The following TOP3B variants were observed in gnomAD, a reference collection of about 807,000 sequenced individuals.
TOP3B encodes DNA topoisomerase III beta.
A neutral mutation model predicts 93.9 loss-of-function variants in TOP3B; 45 were observed. That is an observed-to-expected ratio of 0.48 (90% confidence interval 0.38 to 0.61). The LOEUF (loss-of-function observed/expected upper bound fraction) is 0.61, where lower values mean the gene tolerates loss of function less well. TOP3B is among the 20% of genes least tolerant of loss of function. The pLI is 0.00. For synonymous variants in TOP3B, 357 were observed against 472.6 expected, an observed-to-expected ratio of 0.76 and a Z score of 3.17; for missense variants, 750 against 1,156.1, an observed-to-expected ratio of 0.65 and a Z score of 5.09.
chr22:21,959,833 C>G, intron 14 of TOP3B, 97 bp from the exon 15 acceptor site: 1 of 1,506,514 alleles, frequency 6.6e-7, no homozygotes, highest in Non-Finnish European at 8.9e-7. Context: ...TCACCCCTCC[C>G]GCTCTGGCCC....
intron 7 of TOP3B, 126 bp from the exon 8 acceptor site, chr22:21,967,842 C>T: frequency 1.4e-6 from 1 of 705,910 alleles, no homozygotes; most frequent in Non-Finnish European, 2.5e-6. Flanking sequence ...GCTGTAATGG[C>T]TCACAGCTGT....
Position 21,974,347 on chromosome 22 carries a change from A to T in TOP3B, c.202+10T>A. On this transcript the variant is annotated intron_variant, in intron 3 of 17. Coordinates refer to ENST00000357179, the MANE Select transcript of TOP3B (RefSeq NM_001282112.2). ...CTCCCTTCAGTAGGATGGAGGGTAG[A>T]GGGGCTTACCCAGGAAATCCAGGGT... The T allele has an allele frequency of 6.2e-7, 1 of 1,612,788 alleles. No homozygotes were observed.
At position 21,960,377 on chromosome 22, in the gene TOP3B, C is replaced by T. The variant is rs758638659; in HGVS notation, c.1598G>A (p.Arg533His). ...GCCGAGGTTGGTGGGCTTGAGCCGG[C>T]GCCCGCTCTCCACCGTGACATAGTT... ...QRNYVTVESG[R>H]RLKPTNLGIV... The change falls in exon 14 of 18, where the codon CGC (arginine) becomes CAC (histidine). Residue 533 changes from arginine (R) to histidine (H), a missense_variant. Arg to His is a conservative substitution (Grantham distance 29). Around this residue, in one of 4 missense-constraint regions of TOP3B, gnomAD observed 737 missense variants for 933.7 expected, o/e 0.79. Coordinates refer to ENST00000357179, the MANE Select transcript of TOP3B (RefSeq NM_001282112.2). 8.1e-6 allele frequency: 13 copies of T among 1,613,518 alleles called. No homozygotes were observed. Among genetic ancestry groups the T allele is most frequent in the Middle Eastern group, 1.6e-4 (1 of 6,082 alleles).
intron 1 of TOP3B, among the ~76,000 whole-genome samples, chr22:21,979,743 C>T (rs755497727): frequency 6.6e-6 from 1 of 151,766 alleles, no homozygotes; most frequent in African/African-American, 2.4e-5. Flanking sequence ...AGATCAAGAC[C>T]ATCCTGACTA....
At chr22:21,964,632 G>C (rs930575951) in intron 9 of TOP3B, 1 of 415,820 alleles carries the variant, frequency 2.4e-6, no homozygotes, top group Non-Finnish European at 4.5e-6. Flanking sequence ...ATGGCCTTCA[G>C]AGCACCACTC....
Position 21,970,320 on chromosome 22 carries a change from GT to G in TOP3B, c.470del (p.Asp157AlafsTer11), listed in dbSNP as rs1569152781. ...VFRARFSSIT[D>X]TDICNAMACL... ...AGGCCATGGCATTACAGATGTCTGT[GT>G]CCGTGATGGAGCTAAACCTGGCCCG... On this transcript the variant is annotated frameshift_variant, in exon 6 of 18. Coordinates refer to ENST00000357179, the MANE Select transcript of TOP3B (RefSeq NM_001282112.2). LOFTEE classifies it high-confidence loss of function. The surrounding 1 kb of genome is among the most constrained non-coding windows in gnomAD (Gnocchi z 4.4). The G allele has an allele frequency of 3.1e-6, 5 of 1,614,104 alleles. No individual in the cohort carries two copies. The highest frequency in any genetic ancestry group is 4.2e-6 in the Non-Finnish European group (5 of 1,180,010).
At chr22:21,959,889 G>T in intron 14 of TOP3B, 153 bp from the exon 15 acceptor site, 1 of 1,051,614 alleles carries the variant, frequency 9.5e-7, no homozygotes, top group Non-Finnish European at 1.3e-6. Flanking sequence ...GCCTCAGATG[G>T]TACCAGGCTG....
chr22:21,959,564 G>C, intron 15 of TOP3B, 23 bp downstream of exon 15: 1 of 1,590,766 alleles, frequency 6.3e-7, no homozygotes, highest in Non-Finnish European at 8.6e-7. Flanking sequence ...TCTGGTGAGG[G>C]GCAGGCCAGA....
intron 1 of TOP3B, among the ~76,000 whole-genome samples, chr22:21,981,607 G>A (rs558345957): frequency 6.6e-6 from 1 of 152,272 alleles, no homozygotes; most frequent in African/African-American, 2.4e-5. Flanking sequence ...GACCAGCCTG[G>A]CCAACATGGT....
In TOP3B at chr22:21,963,991, C is replaced by T. The variant is rs768895949; in HGVS notation, c.1136G>A (p.Arg379Gln). The change falls in exon 11 of 18, where the codon CGG (arginine) becomes CAG (glutamine). Residue 379 changes from arginine to glutamine, a missense_variant. Arg to Gln is a conservative substitution (Grantham distance 43). Transcript: ENST00000357179. The surrounding 1 kb of genome is among the most constrained non-coding windows in gnomAD (Gnocchi z 4.8). ...ATGGTCGCCGGCGTCATGGCCTTTC[C>T]GCGGGCGGTTGATACCTTCTGCTAA... The part of the protein sequence containing the change: ...RLLAEGINRP[R>Q]KGHDAGDHPP... The T allele has an allele frequency of 9.9e-6, 16 of 1,611,754 alleles. No individual in the cohort carries two copies. The highest frequency in any genetic ancestry group is 4.5e-5 in the East Asian group (2 of 44,884).
At chr22:21,960,567 A>T (rs532105278) in intron 13 of TOP3B, 118 bp from the exon 14 acceptor site, 1 of 1,415,398 alleles carries the variant, frequency 7.1e-7, no homozygotes, top group Non-Finnish European at 9.6e-7. Flanking sequence ...GCTCCCGGTC[A>T]CAGGAGGGAG....
intron 7 of TOP3B, chr22:21,968,052 C>A: frequency 3.1e-6 from 1 of 327,484 alleles, no homozygotes; most frequent in Non-Finnish European, 5.8e-6. Flanking sequence ...CCGCCAGGGT[C>A]CCAAGCCCCG....
chr22:21,974,341 G>C lies in TOP3B; in HGVS notation c.202+16C>G. Reference sequence around the variant, plus strand: ...GCAGAACTCCCTTCAGTAGGATGGAGGGTAGAGGGGCTTACCCAGGAAATC... The same window carrying C: ...GCAGAACTCCCTTCAGTAGGATGGACGGTAGAGGGGCTTACCCAGGAAATC... On this transcript the variant is annotated intron_variant, in intron 3 of 17. Transcript: ENST00000357179. The C allele has an allele frequency of 6.2e-7, 1 of 1,611,454 alleles. No individual in the cohort carries two copies. Among genetic ancestry groups the C allele is most frequent in the Non-Finnish European group, 8.5e-7 (1 of 1,178,148 alleles).
rs1278348870 is a variant in TOP3B, at chr22:21,964,425, T to C, written c.944-110A>G. The C allele has an allele frequency of 5.3e-6, 7 of 1,333,170 alleles. No homozygotes were observed. In the Admixed American group the frequency reaches 1.2e-4, roughly 22 times the overall value. The allele number at this position is 1,333,170 out of a possible 1,614,324, so 82.6% of individuals were successfully genotyped here. A position where few individuals can be genotyped will look rare whatever the true frequency, so the allele number is the denominator to read the frequency against. ...ATTGTGGCCGGCCCCTCCTGGAGGG[T>C]GACGGTGGCTCTGAGCAGGCACAGC... On this transcript the variant is annotated intron_variant, in intron 9 of 17. Transcript: ENST00000357179.
rs1270531208 is a variant in TOP3B at position 21,959,234 on chromosome 22, T to C, written c.1805-2A>G. The C allele has an allele frequency of 6.2e-7, 1 of 1,612,158 alleles. No homozygotes were observed. Among genetic ancestry groups the C allele is most frequent in the Non-Finnish European group, 8.5e-7 (1 of 1,179,920 alleles). Reference sequence around the variant, plus strand: ...ACACCTCCATCAACTCATCCATGCCTGCGGGCAAGCAGAGTGCAGGAGTCA... The same window carrying C: ...ACACCTCCATCAACTCATCCATGCCCGCGGGCAAGCAGAGTGCAGGAGTCA... On this transcript the variant is annotated splice_acceptor_variant, in intron 15 of 17. Transcript: ENST00000357179. LOFTEE classifies it high-confidence loss of function.
At chr22:21,958,455 C>T (rs1387333177) in intron 17 of TOP3B, 37 bp downstream of exon 17, 26 of 1,613,280 alleles carry the variant, frequency 1.6e-5, no homozygotes, top group Non-Finnish European at 2.1e-5. Flanking sequence ...AAAGAGACTG[C>T]AGCTACCTGT....
chr22:21,967,352 C>T (rs1292917508), intron 8 of TOP3B: 9 of 459,336 alleles, frequency 2.0e-5, no homozygotes, highest in Admixed American at 1.5e-4. Context: ...GGAAGGGGTC[C>T]GACAAGGTCA....
At position 21,962,819 on chromosome 22, in the gene TOP3B, G is replaced by C. The variant is rs1303241006; in HGVS notation, c.1279C>G (p.Leu427Val). The C allele has an allele frequency of 1.2e-6, 2 of 1,614,138 alleles. No homozygotes were observed. Among genetic ancestry groups the C allele is most frequent in the Non-Finnish European group, 1.7e-6 (2 of 1,180,034 alleles). Residue 427 changes from leucine to valine, a missense_variant, in exon 12 of 18, where the codon CTG becomes GTG. By Grantham distance (32) the Leu-to-Val change is conservative. Around this residue, in one of 4 missense-constraint regions of TOP3B, gnomAD observed 737 missense variants for 933.7 expected, o/e 0.79. Coordinates refer to ENST00000357179, the MANE Select transcript of TOP3B (RefSeq NM_001282112.2). ...ATTCTGAAGGAGATGGTGCTCTGCA[G>C]GTACTTGCAGTCATGGCTGACCGTG... The part of the protein sequence containing the change: ...IATVSHDCKY[L>V]QSTISFRIGP...
chr22:21,971,767 A>G lies in TOP3B; in HGVS notation c.384+110T>C. The G allele has an allele frequency of 2.2e-6, 2 of 921,798 alleles. No homozygotes were observed. Among genetic ancestry groups the G allele is most frequent in the South Asian group, 2.7e-5 (2 of 73,780 alleles). 57.1% of individuals were successfully genotyped at this position (921,798 alleles called of 1,614,324 possible). ...GGGAGAGGTGTTTTTAAACCGGTAC[A>G]GTTTACTCCCTCCTTTGGCCCCAGG... On this transcript the variant is annotated intron_variant, in intron 5 of 17. Coordinates refer to ENST00000357179, the MANE Select transcript of TOP3B (RefSeq NM_001282112.2). The surrounding 1 kb of genome is among the most constrained non-coding windows in gnomAD (Gnocchi z 4.6).
Sources: allele counts gnomAD v4.1 joint callset (sites outside exome capture counted in the v4.1 genomes callset), GRCh38; gene constraint gnomAD v4.1.1; regional missense constraint gnomAD v4.1.1; non-coding constraint Gnocchi (gnomAD v3.1); transcripts MANE v1.5; gene names NCBI Gene and HGNC (gene_info 2026-07-23, HGNC 2026-07-21).